PDZD7: variants seen among roughly 807,000 people sequenced by gnomAD.
PDZD7 encodes the protein PDZ domain-containing protein 7.
Under a neutral mutation model 84.7 loss-of-function variants are expected in PDZD7, and 72 were observed. The observed-to-expected ratio is 0.85, with a 90% CI of 0.70 to 1.03. The LOEUF is 1.03. PDZD7 is among the 50% of genes least tolerant of loss of function. The probability of loss-of-function intolerance (pLI) is 0.00; values close to 1 mark genes in which losing one functional copy is unlikely to be tolerated. For missense variants in PDZD7, 1,490 were observed against 1,412.9 expected, an observed-to-expected ratio of 1.05 and a Z score of -0.87; for synonymous variants, 594 against 580.7, an observed-to-expected ratio of 1.02 and a Z score of -0.33.
chr10:101,017,913 A>AAAGAAAGAAAGAAAAG (rs1554834743), intron 9 of PDZD7, 186 bp downstream of exon 9: 1 of 440,706 alleles, frequency 2.3e-6, no homozygotes, highest in East Asian at 3.5e-5. Context: ...AGAAAGAAAG[A>AAAGAAAGAAAGAAAAG]AAAGAAAGAA....
chr10:101,018,362 G>T, intron 8 of PDZD7, 66 bp from the exon 9 acceptor site: 3 of 1,549,264 alleles, frequency 1.9e-6, no homozygotes, highest in Non-Finnish European at 2.7e-6. Flanking sequence ...GAGGGGCAGG[G>T]GTGTGGGGAG....
Position 101,008,424 on chromosome 10 carries a change from G to A in PDZD7, c.*43C>T, listed in dbSNP as rs139169746. 4.4e-5 allele frequency: 65 copies of A among 1,466,472 alleles called. 1 individual carries two copies. The African/African-American group carries it at 4.8e-4, about 11-fold the overall frequency. 90.8% of individuals were successfully genotyped at this position (1,466,472 alleles called of 1,614,324 possible). ...TGGTAGGAGAGGTCCTGGGGATAAC[G>A]GGATGCTGGAGTCAGTGGGTGAATC... On this transcript the variant is annotated 3_prime_UTR_variant, in exon 17 of 17. Transcript: ENST00000619208.
In PDZD7 at chr10:101,010,720, A is replaced by G. The variant is rs1243430762; in HGVS notation, c.2169T>C (p.Asp723=). The G allele has an allele frequency of 2.4e-6, 3 of 1,251,374 alleles. No individual in the cohort carries two copies. Among genetic ancestry groups the G allele is most frequent in the Non-Finnish European group, 2.1e-6 (2 of 961,974 alleles). 77.5% of individuals were successfully genotyped at this position (1,251,374 alleles called of 1,614,324 possible). Residue 723 remains aspartate (D), a synonymous_variant, in exon 15 of 17, where the codon GAT becomes GAC. Coordinates refer to ENST00000619208, the MANE Select transcript of PDZD7 (RefSeq NM_001195263.2). ...GIPPLQDVPV[D]AFTPLRIACT... ...AGGCAATTCGGAGGGGGGTGAAGGC[A>G]TCTACTGGCACGTCTTGTAGAGGGG...
intron 4 of PDZD7, 46 bp from the exon 5 acceptor site, chr10:101,022,431 C>A: frequency 1.9e-6 from 3 of 1,607,468 alleles, no homozygotes; most frequent in Non-Finnish European, 2.6e-6. Context: ...CCATCCACTG[C>A]CACCCACCAC....
chr10:101,024,088 G>A lies in PDZD7; in HGVS notation c.227-20C>T, dbSNP rs934983198. On this transcript the variant is annotated intron_variant, in intron 2 of 16. Coordinates refer to ENST00000619208, the MANE Select transcript of PDZD7 (RefSeq NM_001195263.2). The stretch of plus-strand genomic sequence containing the variant: ...TGTTGGCTGTGAGGACAGGGATTTA[G>A]GGATGCCCCCATGTTCATTGTGGGC... 4 of 1,614,104 alleles carry A rather than the reference G, an allele frequency of 2.5e-6. No individual in the cohort carries two copies. The African/African-American group carries it at 5.3e-5, about 22-fold the overall frequency.
At chr10:101,026,790 G>T (rs959312525) in intron 2 of PDZD7, among the ~76,000 whole-genome samples, 4 of 151,912 alleles carry the variant, frequency 2.6e-5, no homozygotes, top group South Asian at 2.1e-4. Context: ...GGGCAGCCTG[G>T]GGGGAGGGGT....
chr10:101,022,034 C>T lies in PDZD7; in HGVS notation c.720-89G>A, dbSNP rs952622991. ...CCCCCTTCTCTTGGACACAAGACTG[C>T]ACCAGTCAAGGTCCTTGACCCTCCT... On this transcript the variant is annotated intron_variant, in intron 5 of 16. Coordinates refer to ENST00000619208, the MANE Select transcript of PDZD7 (RefSeq NM_001195263.2). 18 of 1,571,310 alleles carry T rather than the reference C, an allele frequency of 1.1e-5. No individual in the cohort carries two copies. The African/African-American group carries it at 1.8e-4, about 15-fold the overall frequency.
intron 6 of PDZD7, 48 bp from the exon 7 acceptor site, chr10:101,020,726 G>C (rs1325920509): frequency 5.5e-6 from 8 of 1,463,944 alleles, no homozygotes; most frequent in Non-Finnish European, 7.7e-6. Flanking sequence ...GCAGTGAGGA[G>C]GGAGAGTGAG....
intron 7 of PDZD7, among the ~76,000 whole-genome samples, chr10:101,019,581 TCCTCC>T: frequency 8.1e-6 from 1 of 123,348 alleles, no homozygotes; most frequent in South Asian, 2.9e-4. Flanking sequence ...CTCCTCCTCC[TCCTCC>T]TCTTCTTCTT....
Position 101,027,206 on chromosome 10 carries a change from A to C in PDZD7, c.226+2788T>G, listed in dbSNP as rs77930292. 3.6e-3 allele frequency among the ~76,000 whole-genome samples: 541 copies of C among 152,182 alleles called. 4 individuals are homozygous for C. Among genetic ancestry groups the C allele is most frequent in the African/African-American group, 0.012 (508 of 41,504 alleles). Reference sequence around the variant, plus strand: ...CTTCTAGAACTCCAGTCTCCTCACCATGCCCTATAAGGCCCTGCCTGGGCT... The same window carrying C: ...CTTCTAGAACTCCAGTCTCCTCACCCTGCCCTATAAGGCCCTGCCTGGGCT... On this transcript the variant is annotated intron_variant, in intron 2 of 16. Transcript: ENST00000619208.
Position 101,008,417 on chromosome 10 carries a change from G to A in PDZD7, c.*50C>T. The A allele has an allele frequency of 4.1e-6, 6 of 1,460,204 alleles. No individual in the cohort carries two copies. The South Asian group carries it at 6.9e-5, about 17-fold the overall frequency. The allele number at this position is 1,460,204 out of a possible 1,614,324, so 90.5% of individuals were successfully genotyped here. A position where few individuals can be genotyped will look rare whatever the true frequency, so the allele number is the denominator to read the frequency against. ...AAGAAGTTGGTAGGAGAGGTCCTGG[G>A]GATAACGGGATGCTGGAGTCAGTGG... On this transcript the variant is annotated 3_prime_UTR_variant, in exon 17 of 17. Transcript: ENST00000619208.
chr10:101,010,669 G>C lies in PDZD7; in HGVS notation c.2220C>G (p.Pro740=), dbSNP rs996703598. The C allele has an allele frequency of 3.3e-6, 5 of 1,521,394 alleles. No individual in the cohort carries two copies. Among genetic ancestry groups the C allele is most frequent in the Non-Finnish European group, 3.5e-6 (4 of 1,136,870 alleles). The allele number at this position is 1,521,394 out of a possible 1,614,324, so 94.2% of individuals were successfully genotyped here. The part of the protein sequence containing the change: ...IACTPPPQLP[P]VAPRPLRPNW... ...TAGGCCGCAGGGGCCGGGGAGCCAC[G>C]GGGGGTAGCTGGGGAGGGGGTGTGC... The change falls in exon 15 of 17, where the codon CCC becomes CCG. Residue 740 remains proline, a synonymous_variant. Transcript: ENST00000619208.
Position 101,029,981 on chromosome 10 carries a change from G to A in PDZD7, c.226+13C>T. Reference sequence around the variant, plus strand: ...CTCCCCAACCCAGGCCAGTGGCTGGGTCCCGCCCCTACCTTCGATGGGGGA... The same window carrying A: ...CTCCCCAACCCAGGCCAGTGGCTGGATCCCGCCCCTACCTTCGATGGGGGA... On this transcript the variant is annotated intron_variant, in intron 2 of 16. Coordinates refer to ENST00000619208, the MANE Select transcript of PDZD7 (RefSeq NM_001195263.2). The A allele has an allele frequency of 1.2e-6, 2 of 1,607,912 alleles. No individual in the cohort carries two copies. The highest frequency in any genetic ancestry group is 1.7e-6 in the Non-Finnish European group (2 of 1,176,560).
chr10:101,024,835 ATGTGTGTGTGTGTG>A (rs61697970), intron 2 of PDZD7, among the ~76,000 whole-genome samples: 1 of 148,232 alleles, frequency 6.7e-6, no homozygotes, highest in African/African-American at 2.5e-5. Flanking sequence ...CCTTCCTAAT[ATGTGTGTGTGTGTG>A]TGTGTGTGTG....
intron 2 of PDZD7, among the ~76,000 whole-genome samples, chr10:101,026,663 T>TCACACACACACACA (rs3051194): frequency 6.5e-5 from 8 of 123,894 alleles, no homozygotes; most frequent in South Asian, 2.9e-4. Flanking sequence ...CAGGGAGAAA[T>TCACACACACACACA]CACACACACA....
At chr10:101,023,815 G>A in intron 3 of PDZD7, 113 bp downstream of exon 3, 3 of 1,563,506 alleles carry the variant, frequency 1.9e-6, no homozygotes, top group Admixed American at 1.7e-5. Flanking sequence ...CATCAATCAG[G>A]CCCTCCAGAG....
At chr10:101,023,117 G>A in intron 4 of PDZD7, 2 of 185,966 alleles carry the variant, frequency 1.1e-5, no homozygotes, top group Non-Finnish European at 2.0e-5. Context: ...GTCTTGCTAT[G>A]TTGCCCAGGC....
At chr10:101,021,171 G>A (rs1264150071) in intron 6 of PDZD7, among the ~76,000 whole-genome samples, 2 of 152,124 alleles carry the variant, frequency 1.3e-5, no homozygotes, top group East Asian at 1.9e-4. Context: ...TGGGATGGGG[G>A]AGAGGTAGAA....
In PDZD7 at chr10:101,011,999, G is replaced by A. The variant is rs1356922296; in HGVS notation, c.1859C>T (p.Thr620Ile). ...LQDIRSVVAP[T>I]DLGRFDSMVM... ...CATGCTGTCGAAGCGGCCCAGGTCT[G>A]TGGGGGCCACCACACTCCTGGGAGA... Residue 620 changes from threonine (T) to isoleucine (I), a missense_variant, in exon 13 of 17, where the codon ACA becomes ATA. Thr to Ile is a moderately conservative substitution (Grantham distance 89). Coordinates refer to ENST00000619208, the MANE Select transcript of PDZD7 (RefSeq NM_001195263.2). 10 of 1,550,342 alleles carry A rather than the reference G, an allele frequency of 6.5e-6. No individual in the cohort carries two copies. Among genetic ancestry groups the A allele is most frequent in the Non-Finnish European group, 7.8e-6 (9 of 1,146,942 alleles).
Sources: allele counts gnomAD v4.1 joint callset (sites outside exome capture counted in the v4.1 genomes callset), GRCh38; gene constraint gnomAD v4.1.1; transcripts MANE v1.5; gene names NCBI Gene and HGNC (gene_info 2026-07-23, HGNC 2026-07-21).